TAF1B: variants seen among roughly 807,000 people sequenced by gnomAD.
TAF1B encodes TATA box-binding protein-associated factor RNA polymerase I subunit B.
Under a neutral mutation model 83.9 loss-of-function variants are expected in TAF1B, and 61 were observed. That is an observed-to-expected ratio of 0.73 (90% CI 0.59 to 0.90). TAF1B has a LOEUF of 0.90. Ranked by LOEUF, TAF1B falls within the 40% of genes least tolerant of loss-of-function variation. TAF1B has a pLI of 0.00. For synonymous variants in TAF1B, 221 were observed against 224.6 expected (o/e 0.98, Z 0.14); for missense variants, 625 against 677.0 (o/e 0.92, Z 0.85).
intron 9 of TAF1B, 29 bp downstream of exon 9, chr2:9,905,035 A>C: frequency 6.3e-7 from 1 of 1,583,376 alleles, no homozygotes. Context: ...TTGTGGGGAC[A>C]CTTTAACTAG....
At chr2:9,883,470 G>A (rs1019822917) in intron 8 of TAF1B, among the ~76,000 whole-genome samples, 1 of 152,190 alleles carries the variant, frequency 6.6e-6, no homozygotes, top group Non-Finnish European at 1.5e-5. Flanking sequence ...GTTAAGTGCT[G>A]TTTAATAGTG....
intron 5 of TAF1B, among the ~76,000 whole-genome samples, chr2:9,864,068 G>C (rs1663876294): frequency 6.6e-6 from 1 of 152,116 alleles, no homozygotes; most frequent in South Asian, 2.1e-4. Context: ...ACATTCAAAA[G>C]CTAGCAGAAG....
chr2:9,907,738 TTCCA>T (rs1180558639), intron 9 of TAF1B, among the ~76,000 whole-genome samples: 1 of 152,154 alleles, frequency 6.6e-6, no homozygotes, highest in Non-Finnish European at 1.5e-5. Flanking sequence ...TTTCTGAAGT[TTCCA>T]AAGTGCCCAT....
chr2:9,886,169 C>T (rs540823409), intron 8 of TAF1B, among the ~76,000 whole-genome samples: 1 of 151,608 alleles, frequency 6.6e-6, no homozygotes, highest in South Asian at 2.1e-4. Flanking sequence ...AAACTTTTCC[C>T]GCAAGATAGG....
rs1225159500 is a variant in TAF1B, at chr2:9,854,313, C to G, written c.304-13C>G. 3 of 1,607,696 alleles carry G rather than the reference C, an allele frequency of 1.9e-6. No individual in the cohort carries two copies. Among genetic ancestry groups the G allele is most frequent in the Non-Finnish European group, 1.7e-6 (2 of 1,174,344 alleles). ...ACCTGAATCACCCACCACTCATTTC[C>G]CTTCCACCTTAGAACGATGTTTTAC... On this transcript the variant is annotated splice_polypyrimidine_tract_variant and intron_variant, in intron 4 of 14. Coordinates refer to ENST00000263663, the MANE Select transcript of TAF1B (RefSeq NM_005680.3).
In TAF1B at chr2:9,919,817, GA is replaced by G; in HGVS notation, c.1563del (p.Arg521SerfsTer7). On this transcript the variant is annotated frameshift_variant and splice_region_variant, in exon 14 of 15. Transcript: ENST00000263663. LOFTEE classifies it high-confidence loss of function. ...LYWLSTQKFC[R>X]CYCTHVTTYE... ...TGGCTTAGTACACAGAAATTCTGCA[GA>G]TGGTAATAATGCTTTTAGAAAAAGT... 1 of 1,612,936 alleles carries G rather than the reference GA, an allele frequency of 6.2e-7. No individual in the cohort carries two copies. Among genetic ancestry groups the G allele is most frequent in the African/African-American group, 1.3e-5 (1 of 75,014 alleles).
chr2:9,843,733 G>C (rs1663102923), intron 1 of TAF1B, 174 bp downstream of exon 1: 1 of 642,300 alleles, frequency 1.6e-6, no homozygotes, highest in African/African-American at 1.9e-5. Flanking sequence ...CCGCATGCGC[G>C]CGCGGCTTTG....
intron 6 of TAF1B, 63 bp from the exon 7 acceptor site, chr2:9,875,801 CT>C: frequency 6.8e-7 from 1 of 1,478,388 alleles, no homozygotes; most frequent in Non-Finnish European, 9.1e-7. Flanking sequence ...AGATTTTTTG[CT>C]GTTTTTCTTT....
At chr2:9,849,664 T>C (rs1190937520) in intron 3 of TAF1B, among the ~76,000 whole-genome samples, 1 of 152,222 alleles carries the variant, frequency 6.6e-6, no homozygotes, top group Admixed American at 6.5e-5. Flanking sequence ...GCTTATTTTC[T>C]GAAATAATTC....
chr2:9,846,246 T>C (rs191681264), intron 2 of TAF1B: 1 of 397,452 alleles, frequency 2.5e-6, no homozygotes, highest in African/African-American at 2.1e-5. Context: ...AAAGTAGAGA[T>C]TGTCATATTG....
At chr2:9,874,229 T>C (rs1375825739) in intron 6 of TAF1B, among the ~76,000 whole-genome samples, 1 of 152,164 alleles carries the variant, frequency 6.6e-6, no homozygotes, top group Non-Finnish European at 1.5e-5. Flanking sequence ...TTTTTGCTGT[T>C]CCTGCAGTTC....
rs61743064 is a variant in TAF1B at position 9,910,749 on chromosome 2, C to T, written c.969C>T (p.Ser323=). Residue 323 remains serine, a synonymous_variant, in exon 10 of 15, where the codon AGC becomes AGT. Transcript: ENST00000263663. Reference sequence around the variant, plus strand: ...TTTGTTCTTCAGATGAAATGCATAGCTTAACTTGCCACGTGGTAAAAATGA... The same window carrying T: ...TTTGTTCTTCAGATGAAATGCATAGTTTAACTTGCCACGTGGTAAAAATGA... ...MEVNLPDEMH[S]LTCHVVKMTG... The T allele has an allele frequency of 0.016, 25,963 of 1,610,174 alleles. 256 individuals are homozygous for T. Among genetic ancestry groups the T allele is most frequent in the Non-Finnish European group, 0.019 (22,851 of 1,177,690 alleles).
intron 7 of TAF1B, among the ~76,000 whole-genome samples, chr2:9,879,588 G>A (rs1004453582): frequency 5.3e-5 from 8 of 152,146 alleles, no homozygotes; most frequent in African/African-American, 1.7e-4. Context: ...CTGGCATTCC[G>A]GGTAGAAGGA....
intron 8 of TAF1B, among the ~76,000 whole-genome samples, chr2:9,900,823 T>C (rs542975702): frequency 6.6e-6 from 1 of 152,150 alleles, no homozygotes; most frequent in South Asian, 2.1e-4. Flanking sequence ...AATTTAGGGA[T>C]GTGGAAGATG....
chr2:9,923,237 C>CAAAAAAAAAA (rs71391173), intron 14 of TAF1B, among the ~76,000 whole-genome samples: 1 of 113,074 alleles, frequency 8.8e-6, no homozygotes. Context: ...GACTCCATCT[C>CAAAAAAAAAA]AAAAAAAAAA....
At chr2:9,915,606 TCAAAA>T (rs1218746348) in intron 12 of TAF1B, among the ~76,000 whole-genome samples, 1 of 152,292 alleles carries the variant, frequency 6.6e-6, no homozygotes, top group African/African-American at 2.4e-5. Flanking sequence ...TTAGAATGGT[TCAAAA>T]CAAAACAAAA....
chr2:9,906,968 C>G (rs972228181), intron 9 of TAF1B, among the ~76,000 whole-genome samples: 3 of 152,150 alleles, frequency 2.0e-5, no homozygotes, highest in Non-Finnish European at 4.4e-5. Context: ...ACCTTGAACT[C>G]CTGGGCTCCA....
At chr2:9,858,595 A>C (rs772064823) in intron 5 of TAF1B, among the ~76,000 whole-genome samples, 1 of 152,244 alleles carries the variant, frequency 6.6e-6, no homozygotes, top group African/African-American at 2.4e-5. Flanking sequence ...CTGCCCCTGC[A>C]TCAGACTTCT....
At position 9,904,925 on chromosome 2, in the gene TAF1B, C is replaced by T. The variant is rs374536272; in HGVS notation, c.874C>T (p.Arg292Cys). Residue 292 changes from arginine (R) to cysteine (C), a missense_variant, in exon 9 of 15, where the codon CGT becomes TGT. Transcript: ENST00000263663. ...VEVGTFLDLP[R>C]FPDITEDCYL... ...AGTTGGAACATTTTTAGATTTGCCTCGTTTTCCAGACATAACTGAAGACTG... is the reference window on the plus strand; with the variant it reads ...AGTTGGAACATTTTTAGATTTGCCTTGTTTTCCAGACATAACTGAAGACTG... 13 of 1,612,088 alleles carry T rather than the reference C, an allele frequency of 8.1e-6. No individual in the cohort carries two copies. The highest frequency in any genetic ancestry group is 5.5e-5 in the South Asian group (5 of 91,046).
Sources: allele counts gnomAD v4.1 joint callset (sites outside exome capture counted in the v4.1 genomes callset), GRCh38; gene constraint gnomAD v4.1.1; transcripts MANE v1.5; gene names NCBI Gene and HGNC (gene_info 2026-07-23, HGNC 2026-07-21).